Variants in TTC28 observed in about 807,000 individuals in gnomAD.
The protein encoded by TTC28 is tetratricopeptide repeat protein 28.
In TTC28, 61 loss-of-function variants were observed where a neutral mutation model predicts 198.0. The observed-to-expected ratio is 0.31, with a 90% CI of 0.25 to 0.38. TTC28 has a LOEUF of 0.38. TTC28 is among the 10% of genes least tolerant of loss of function. The pLI, the probability that TTC28 is intolerant of heterozygous loss-of-function variation, is 1.00. For synonymous variants in TTC28, 1,171 were observed against 1,297.8 expected (o/e 0.90, Z 2.10); for missense variants, 2,678 against 3,164.0 (o/e 0.85, Z 3.69).
At chr22:28,554,768 G>A (rs1408633814) in intron 2 of TTC28, among the ~76,000 whole-genome samples, 6 of 152,164 alleles carry the variant, frequency 3.9e-5, no homozygotes, top group Non-Finnish European at 5.9e-5. Context: ...CTACTAGGGA[G>A]GCTGAGGCAG....
intron 5 of TTC28, among the ~76,000 whole-genome samples, chr22:28,168,762 C>G (rs1037118102): frequency 4.6e-4 from 70 of 152,190 alleles, no homozygotes; most frequent in African/African-American, 1.4e-3. Flanking sequence ...ATAGGCATGG[C>G]CAAGGACTTC....
intron 1 of TTC28, among the ~76,000 whole-genome samples, chr22:28,660,623 A>C (rs2051727834): frequency 6.6e-6 from 1 of 152,166 alleles, no homozygotes; most frequent in Non-Finnish European, 1.5e-5. Context: ...TCCTGGTTTC[A>C]AGAGATTCTT....
At chr22:28,030,072 G>T (rs1264365337) in intron 13 of TTC28, among the ~76,000 whole-genome samples, 154 bp downstream of exon 13, 1 of 152,232 alleles carries the variant, frequency 6.6e-6, no homozygotes, top group Non-Finnish European at 1.5e-5. Context: ...GCCCTGACGG[G>T]CATGGGGCTG....
At chr22:28,256,781 G>A (rs9613584) in intron 5 of TTC28, among the ~76,000 whole-genome samples, 2,624 of 152,346 alleles carry the variant, frequency 0.017, 39 homozygotes, top group Non-Finnish European at 0.026. Context: ...GGCCCATGCC[G>A]TAATCTCAGC....
At chr22:28,285,688 A>T (rs1465703514) in intron 5 of TTC28, among the ~76,000 whole-genome samples, 1 of 152,208 alleles carries the variant, frequency 6.6e-6, no homozygotes, top group Non-Finnish European at 1.5e-5. Flanking sequence ...AATACATATA[A>T]TTTGTATTCA....
At chr22:28,556,543 GT>G (rs1322728412) in intron 2 of TTC28, among the ~76,000 whole-genome samples, 4 of 152,052 alleles carry the variant, frequency 2.6e-5, no homozygotes, top group African/African-American at 9.6e-5. Flanking sequence ...TTTCTTTCTG[GT>G]TACTTTTAAG....
At chr22:28,273,936 A>G (rs1216296253) in intron 5 of TTC28, among the ~76,000 whole-genome samples, 3 of 152,220 alleles carry the variant, frequency 2.0e-5, no homozygotes, top group Non-Finnish European at 2.9e-5. Context: ...ATACATAAAT[A>G]GTATATGTTT....
In TTC28 at chr22:28,613,340, A is replaced by T. The variant is rs537068365; in HGVS notation, c.381+16212T>A. Among the ~76,000 whole-genome samples, 136 of 152,348 alleles carry T rather than the reference A, an allele frequency of 8.9e-4. 2 individuals carry two copies. Among genetic ancestry groups the T allele is most frequent in the Admixed American group, 7.8e-3 (119 of 15,302 alleles). Reference sequence around the variant, plus strand: ...CCAACCAAAAAAAGTCCAGGACCAGATGGATTCACAGCCAAATTCTACTAC... The same window carrying T: ...CCAACCAAAAAAAGTCCAGGACCAGTTGGATTCACAGCCAAATTCTACTAC... On this transcript the variant is annotated intron_variant, in intron 2 of 22. Transcript: ENST00000397906.
intron 2 of TTC28, among the ~76,000 whole-genome samples, chr22:28,364,006 A>G (rs780508516): frequency 2.6e-5 from 4 of 152,150 alleles, no homozygotes; most frequent in Non-Finnish European, 5.9e-5. Context: ...AAAATGAGTT[A>G]AGACTTTGGG....
intron 2 of TTC28, among the ~76,000 whole-genome samples, chr22:28,316,666 T>C (rs75908663): frequency 0.029 from 4,422 of 152,336 alleles, 204 homozygotes; most frequent in African/African-American, 0.1. Flanking sequence ...ACATATATTT[T>C]GTTACACTTA....
intron 5 of TTC28, among the ~76,000 whole-genome samples, chr22:28,250,294 C>G (rs1449021815): frequency 6.6e-6 from 1 of 152,126 alleles, no homozygotes; most frequent in Non-Finnish European, 1.5e-5. Context: ...ACTATTTAGG[C>G]ATTCTTTTGT....
chr22:28,311,211 C>T (rs936063573), intron 2 of TTC28, among the ~76,000 whole-genome samples: 3 of 148,016 alleles, frequency 2.0e-5, no homozygotes, highest in African/African-American at 8.0e-5. Context: ...TAATCACTAT[C>T]TTTGTTCAAC....
rs372417479 is a variant in TTC28, at chr22:28,005,739, C to T, written c.4219-4186G>A. Among the ~76,000 whole-genome samples, 3 of 152,338 alleles carry T rather than the reference C, an allele frequency of 2.0e-5. No individual in the cohort carries two copies. Among genetic ancestry groups the T allele is most frequent in the African/African-American group, 4.8e-5 (2 of 41,586 alleles). On this transcript the variant is annotated intron_variant, in intron 14 of 22. Transcript: ENST00000397906. The surrounding 1 kb of genome is among the most constrained non-coding windows in gnomAD (Gnocchi z 4.9). ...CCCTGGACTCCCTGGCACCTATCAC[C>T]GCTGGAAGCTGATGGCTGCTCTCCT...
chr22:28,395,630 A>C (rs572042843), intron 2 of TTC28, among the ~76,000 whole-genome samples: 3,924 of 21,396 alleles, frequency 0.18, 72 homozygotes, highest in Non-Finnish European at 0.22. Flanking sequence ...AAAAAACCAA[A>C]CAAACAAAAA....
intron 2 of TTC28, among the ~76,000 whole-genome samples, chr22:28,326,236 A>G (rs1361061684): frequency 6.6e-6 from 1 of 152,170 alleles, no homozygotes. Context: ...TCTACATACC[A>G]TATAATTCCA....
At chr22:28,595,318 T>C (rs564503480) in intron 2 of TTC28, among the ~76,000 whole-genome samples, 1 of 152,260 alleles carries the variant, frequency 6.6e-6, no homozygotes, top group Non-Finnish European at 1.5e-5. Flanking sequence ...CAAGAATTGG[T>C]CAGTAACTAA....
chr22:28,634,244 G>A (rs1203702960), intron 1 of TTC28, among the ~76,000 whole-genome samples: 3 of 152,184 alleles, frequency 2.0e-5, no homozygotes, highest in African/African-American at 7.2e-5. Context: ...GGGAGTGGTG[G>A]CTCACGCCTG....
chr22:28,547,623 G>C (rs559461285), intron 2 of TTC28, among the ~76,000 whole-genome samples: 1 of 151,734 alleles, frequency 6.6e-6, no homozygotes, highest in Non-Finnish European at 1.5e-5. Flanking sequence ...CCAAGAAGCT[G>C]TCATTTTTTA....
intron 2 of TTC28, among the ~76,000 whole-genome samples, chr22:28,438,367 A>G (rs2047556296): frequency 6.6e-6 from 1 of 152,216 alleles, no homozygotes; most frequent in Admixed American, 6.5e-5. Flanking sequence ...TCTACAGGGC[A>G]TAATCCTCAC....
Sources: allele counts gnomAD v4.1 joint callset (sites outside exome capture counted in the v4.1 genomes callset), GRCh38; gene constraint gnomAD v4.1.1; non-coding constraint Gnocchi (gnomAD v3.1); transcripts MANE v1.5; gene names NCBI Gene and HGNC (gene_info 2026-07-23, HGNC 2026-07-21).